Variants in MAF observed in about 807,000 individuals in gnomAD.
The protein encoded by MAF is MAF bZIP transcription factor.
Under a neutral mutation model 22.0 loss-of-function variants are expected in MAF, and 10 were observed. The observed-to-expected ratio is 0.45, with a 90% CI of 0.28 to 0.77. The LOEUF is 0.77. MAF is among the 30% of genes least tolerant of loss of function. The pLI is 0.12. For missense variants in MAF, 544 were observed against 548.4 expected, an observed-to-expected ratio of 0.99 and a Z score of 0.08; for synonymous variants, 337 against 255.8, an observed-to-expected ratio of 1.32 and a Z score of -3.03.
At chr16:79,598,159 A>AG in intron 1 of MAF, 2 of 1,051,106 alleles carry the variant, frequency 1.9e-6, no homozygotes, top group Non-Finnish European at 2.3e-6. Flanking sequence ...AGAAAAAAAA[A>AG]CTTTGCTTTT....
chr16:79,482,603 C>T, the MAF span, among the ~76,000 whole-genome samples: 1 of 152,300 alleles, frequency 6.6e-6, no homozygotes, highest in East Asian at 1.9e-4. Context: ...CCTTCCCACA[C>T]ATCATCAAAC....
intron 1 of MAF, chr16:79,595,094 A>G (rs749331490): frequency 8.9e-5 from 93 of 1,042,648 alleles, no homozygotes; most frequent in Non-Finnish European, 1.1e-4. Context: ...CTGCTTCTTC[A>G]GAGTTTGTGT....
chr16:79,595,552 G>T, intron 1 of MAF: 1 of 1,059,886 alleles, frequency 9.4e-7, no homozygotes, highest in South Asian at 4.6e-5. Flanking sequence ...GCATGAATTT[G>T]TAACATTAGT....
the MAF span, among the ~76,000 whole-genome samples, chr16:79,437,861 G>T: frequency 6.6e-6 from 1 of 152,174 alleles, no homozygotes; most frequent in African/African-American, 2.4e-5. Flanking sequence ...CACATGCTGA[G>T]ACGTGGGCCG....
the MAF span, among the ~76,000 whole-genome samples, chr16:79,513,700 T>G: frequency 6.6e-6 from 1 of 152,222 alleles, no homozygotes. Flanking sequence ...TTGAGCTTAT[T>G]GAGCTCATGA....
chr16:79,398,587 C>T, the MAF span, among the ~76,000 whole-genome samples: 1 of 152,060 alleles, frequency 6.6e-6, no homozygotes, highest in African/African-American at 2.4e-5. Flanking sequence ...CTGATGGTAT[C>T]AACATCACAG....
At chr16:79,380,503 G>A in the MAF span, among the ~76,000 whole-genome samples, 1 of 152,110 alleles carries the variant, frequency 6.6e-6, no homozygotes, top group Non-Finnish European at 1.5e-5. Flanking sequence ...AAACTCAGAA[G>A]GATTAAGTAA....
chr16:79,502,708 A>ATACATACAT, the MAF span, among the ~76,000 whole-genome samples: 1 of 34,008 alleles, frequency 2.9e-5, no homozygotes, highest in Non-Finnish European at 5.6e-5. Context: ...TATAAATATA[A>ATACATACAT]ATATATATAT....
At chr16:79,387,107 A>G in the MAF span, among the ~76,000 whole-genome samples, 1 of 152,200 alleles carries the variant, frequency 6.6e-6, no homozygotes, top group Non-Finnish European at 1.5e-5. Context: ...ATTATCTTCT[A>G]TTAAAGTAAG....
the MAF span, among the ~76,000 whole-genome samples, chr16:79,240,354 A>T: frequency 4.0e-5 from 6 of 150,940 alleles, no homozygotes; most frequent in African/African-American, 1.2e-4. Context: ...ATTTTAACTA[A>T]ACTCCTCATC....
the MAF span, among the ~76,000 whole-genome samples, chr16:79,509,051 T>G: frequency 6.6e-6 from 1 of 152,226 alleles, no homozygotes; most frequent in Non-Finnish European, 1.5e-5. Flanking sequence ...TAACTATAAT[T>G]CATGATAGCT....
At chr16:79,225,689 C>G in the MAF span, among the ~76,000 whole-genome samples, 2 of 151,822 alleles carry the variant, frequency 1.3e-5, no homozygotes, top group Non-Finnish European at 2.9e-5. Flanking sequence ...AGAAAAAAAA[C>G]CACACAACCC....
chr16:79,324,066 G>A, the MAF span, among the ~76,000 whole-genome samples: 2 of 152,152 alleles, frequency 1.3e-5, no homozygotes, highest in African/African-American at 4.8e-5. Context: ...GCTTACAACA[G>A]AGCATGCTCT....
the MAF span, among the ~76,000 whole-genome samples, chr16:79,292,979 T>G: frequency 6.6e-6 from 1 of 152,180 alleles, no homozygotes; most frequent in East Asian, 1.9e-4. Flanking sequence ...CCCACCCCTT[T>G]GCCAGAAAAC....
chr16:79,213,701 G>C, the MAF span, among the ~76,000 whole-genome samples: 1 of 152,184 alleles, frequency 6.6e-6, no homozygotes, highest in Non-Finnish European at 1.5e-5. Context: ...TAGTTAGTTA[G>C]ACATGTAAGT....
chr16:79,476,236 C>T, the MAF span, among the ~76,000 whole-genome samples: 2 of 152,146 alleles, frequency 1.3e-5, no homozygotes, highest in East Asian at 1.9e-4. Flanking sequence ...TTGATTGCAA[C>T]CTTGTGAGTC....
chr16:79,575,585 A>G, the MAF span, among the ~76,000 whole-genome samples: 1 of 152,116 alleles, frequency 6.6e-6, no homozygotes, highest in African/African-American at 2.4e-5. Context: ...TTAGGGTGGG[A>G]CCCAGGGGTG....
the MAF span, among the ~76,000 whole-genome samples, chr16:79,460,893 G>A: frequency 8.6e-5 from 13 of 152,044 alleles, no homozygotes; most frequent in African/African-American, 1.7e-4. Flanking sequence ...GTAGATGATC[G>A]ATTTCACAAC....
the MAF span, among the ~76,000 whole-genome samples, chr16:79,502,001 T>C: frequency 6.6e-6 from 1 of 152,200 alleles, no homozygotes; most frequent in Non-Finnish European, 1.5e-5. Flanking sequence ...ACTTATTTCT[T>C]TCAACCATTT....
Sources: gnomAD v4.1 joint callset for allele counts (sites outside exome capture counted in the v4.1 genomes callset) on GRCh38, gnomAD v4.1.1 for gene constraint, MANE v1.5 for transcripts, NCBI Gene and HGNC (gene_info 2026-07-23, HGNC 2026-07-21) for gene names.